PAM: variants seen among roughly 807,000 people sequenced by gnomAD.
PAM encodes the protein peptidyl-glycine alpha-amidating monooxygenase.
PAM carries 72 observed loss-of-function variants against 122.1 expected under a neutral mutation model. The ratio of observed to expected loss-of-function variants is 0.59; its 90% confidence interval spans 0.49 to 0.72. PAM has a LOEUF of 0.72. Among genes scored for constraint, PAM ranks in the 30% least tolerant of loss-of-function variants. The pLI is 0.00. For synonymous variants in PAM, 389 were observed against 404.4 expected, an observed-to-expected ratio of 0.96 and a Z score of 0.46; for missense variants, 1,106 against 1,183.7, an observed-to-expected ratio of 0.93 and a Z score of 0.96.
chr5:102,801,401 G>T, intron 1 of PAM, among the ~76,000 whole-genome samples: 1 of 152,158 alleles, frequency 6.6e-6, no homozygotes, highest in Non-Finnish European at 1.5e-5. Context: ...GTTTATGTGG[G>T]CTGCATTTGA....
chr5:102,952,922 C>A (rs150949617), intron 12 of PAM, among the ~76,000 whole-genome samples: 1 of 152,122 alleles, frequency 6.6e-6, no homozygotes, highest in Non-Finnish European at 1.5e-5. Context: ...CAGATTTGAG[C>A]CCCGAGCGTG....
intron 1 of PAM, among the ~76,000 whole-genome samples, chr5:102,815,273 G>A (rs1323673864): frequency 6.6e-6 from 1 of 152,048 alleles, no homozygotes; most frequent in East Asian, 1.9e-4. Flanking sequence ...AGTAAAGATA[G>A]AAACCAGGAG....
chr5:102,943,893 A>C (rs1055548702), intron 7 of PAM, among the ~76,000 whole-genome samples: 47 of 152,146 alleles, frequency 3.1e-4, no homozygotes, highest in Non-Finnish European at 1.8e-4. Flanking sequence ...CATCTTCCTT[A>C]AAATTAGATT....
chr5:102,846,621 G>A (rs746594389), intron 1 of PAM, among the ~76,000 whole-genome samples: 2 of 152,170 alleles, frequency 1.3e-5, no homozygotes, highest in Non-Finnish European at 1.5e-5. Context: ...GAAAGAGCAG[G>A]CCACTTCATG....
intron 14 of PAM, among the ~76,000 whole-genome samples, chr5:102,967,087 C>T (rs180703076): frequency 1.3e-5 from 2 of 152,034 alleles, no homozygotes; most frequent in African/African-American, 4.8e-5. Flanking sequence ...TAGTTTTTCT[C>T]ACCATATTCC....
At chr5:102,821,987 G>A (rs908752985) in intron 1 of PAM, among the ~76,000 whole-genome samples, 3 of 152,098 alleles carry the variant, frequency 2.0e-5, no homozygotes, top group Non-Finnish European at 4.4e-5. Flanking sequence ...ATTTAAGAAA[G>A]ACTAATAAAA....
rs112338836 is a variant in PAM at position 102,918,331 on chromosome 5, A to G, written c.356+4310A>G. On this transcript the variant is annotated intron_variant, in intron 5 of 25. Transcript: ENST00000438793. ...ATTTGTTGCACTCTATTTGTGCTCT[A>G]TAGACTTAATTCAAAGCATGACAAT... 1.8e-3 allele frequency among the ~76,000 whole-genome samples: 273 copies of G among 152,282 alleles called. 1 individual carries two copies. The highest frequency in any genetic ancestry group is 6.1e-3 in the African/African-American group (255 of 41,570).
chr5:102,827,524 T>TTGC (rs1313890565), intron 1 of PAM, among the ~76,000 whole-genome samples: 2 of 152,208 alleles, frequency 1.3e-5, no homozygotes, highest in Admixed American at 1.3e-4. Context: ...TTATTGAATA[T>TTGC]TGTTAAAATA....
chr5:102,918,910 C>G (rs2151635859), intron 5 of PAM, among the ~76,000 whole-genome samples: 1 of 152,150 alleles, frequency 6.6e-6, no homozygotes, highest in East Asian at 1.9e-4. Flanking sequence ...GTGTGATCTT[C>G]TATACATAGC....
intron 5 of PAM, among the ~76,000 whole-genome samples, chr5:102,917,137 C>G (rs572335620): frequency 2.1e-3 from 321 of 152,268 alleles, no homozygotes; most frequent in Non-Finnish European, 3.9e-3. Context: ...TATTTCACAG[C>G]CAGAACTTTC....
intron 3 of PAM, among the ~76,000 whole-genome samples, chr5:102,871,339 TG>T (rs1787367760): frequency 6.6e-6 from 1 of 152,164 alleles, no homozygotes; most frequent in African/African-American, 2.4e-5. Context: ...GAAATGTGAA[TG>T]CACCTTGACA....
rs1451495260 is a variant in PAM, at chr5:103,025,282, C to G, written c.2637C>G (p.Val879=). ...ITTLLVIPVV[V]LLAIAIFIRW... is the part of the protein sequence containing the mutation. ...CCCTTCTGGTTATTCCGGTGGTTGTCCTGCTGGCCATTGCCATATTTATTC... is the reference window on the plus strand; with the variant it reads ...CCCTTCTGGTTATTCCGGTGGTTGTGCTGCTGGCCATTGCCATATTTATTC... The change falls in exon 24 of 26, where the codon GTC becomes GTG. Residue 879 remains valine, a synonymous_variant. Transcript: ENST00000438793. 6.2e-7 allele frequency: 1 copy of G among 1,613,706 alleles called. No individual in the cohort carries two copies. Among genetic ancestry groups the G allele is most frequent in the East Asian group, 2.2e-5 (1 of 44,874 alleles).
At position 102,977,693 on chromosome 5, in the gene PAM, CACACACAA is replaced by C. The variant is rs1768191612; in HGVS notation, c.1483+3259_1483+3266del. Among the ~76,000 whole-genome samples, 4 of 131,500 alleles carry C rather than the reference CACACACAA, an allele frequency of 3.0e-5. No individual in the cohort carries two copies. In the South Asian group the frequency reaches 9.2e-4, roughly 30 times the overall value. 86.3% of individuals were successfully genotyped at this position (131,500 alleles called of 152,430 possible). ...ACACACACACACACACACACACACA[CACACACAA>C]AATACAGCTTCCCCAAAAGCAGTTC... is the stretch of plus-strand genomic sequence containing the variant. On this transcript the variant is annotated intron_variant, in intron 15 of 25. Coordinates refer to ENST00000438793, the MANE Select transcript of PAM (RefSeq NM_001177306.2).
chr5:102,965,204 A>G (rs1763720672), intron 14 of PAM, among the ~76,000 whole-genome samples: 1 of 136,538 alleles, frequency 7.3e-6, no homozygotes, highest in Non-Finnish European at 1.6e-5. Flanking sequence ...CACACCTCAC[A>G]TATATTAAGG....
intron 3 of PAM, among the ~76,000 whole-genome samples, chr5:102,900,091 T>C (rs574360978): frequency 6.6e-6 from 1 of 151,430 alleles, no homozygotes; most frequent in Non-Finnish European, 1.5e-5. Flanking sequence ...AAGTAACTGC[T>C]CTAAGAGAGG....
intron 5 of PAM, among the ~76,000 whole-genome samples, chr5:102,923,306 G>A (rs1226241905): frequency 1.3e-5 from 2 of 152,112 alleles, no homozygotes; most frequent in Non-Finnish European, 2.9e-5. Context: ...GTGCAACGTG[G>A]GTGTTTTCTG....
intron 13 of PAM, 144 bp from the exon 14 acceptor site, chr5:102,961,014 A>G (rs893724122): frequency 1.5e-5 from 6 of 391,272 alleles, no homozygotes; most frequent in Non-Finnish European, 2.9e-5. Flanking sequence ...GAATTAGAGC[A>G]TTTCTGTCTT....
intron 1 of PAM, among the ~76,000 whole-genome samples, chr5:102,769,881 C>G (rs570771850): frequency 4.3e-4 from 66 of 152,002 alleles, no homozygotes; most frequent in African/African-American, 1.4e-3. Flanking sequence ...TTTCTCACTT[C>G]TATGGAGAAT....
At chr5:102,992,056 G>T (rs1473786023) in intron 16 of PAM, among the ~76,000 whole-genome samples, 1 of 152,076 alleles carries the variant, frequency 6.6e-6, no homozygotes, top group East Asian at 1.9e-4. Context: ...TAGAAAAAGG[G>T]ATCTGTGAAG....
Sources: allele counts gnomAD v4.1 joint callset (sites outside exome capture counted in the v4.1 genomes callset), GRCh38; gene constraint gnomAD v4.1.1; transcripts MANE v1.5; gene names NCBI Gene and HGNC (gene_info 2026-07-23, HGNC 2026-07-21).